The following BATF variants were observed in gnomAD, a reference collection of about 807,000 sequenced individuals.
BATF encodes the protein basic leucine zipper ATF-like transcription factor.
In BATF, 5 loss-of-function variants were observed where a neutral mutation model predicts 13.7. The observed-to-expected ratio is 0.36, with a 90% CI of 0.19 to 0.77. The LOEUF (loss-of-function observed/expected upper bound fraction) is 0.77. BATF is among the 30% of genes least tolerant of loss of function. The probability of loss-of-function intolerance (pLI) is 0.51; values close to 1 mark genes in which losing one functional copy is unlikely to be tolerated. For missense variants in BATF, 124 were observed against 163.0 expected, an observed-to-expected ratio of 0.76 and a Z score of 1.30; for synonymous variants, 72 against 67.5, an observed-to-expected ratio of 1.07 and a Z score of -0.33.
intron 2 of BATF, among the ~76,000 whole-genome samples, chr14:75,534,351 C>T (rs553082234): frequency 3.3e-5 from 5 of 152,238 alleles, no homozygotes; most frequent in East Asian, 1.9e-4. Context: ...ATTATGAAAA[C>T]GATACACACT....
intron 2 of BATF, among the ~76,000 whole-genome samples, chr14:75,539,526 CTA>C (rs1426263165): frequency 7.5e-6 from 1 of 133,674 alleles, no homozygotes; most frequent in Non-Finnish European, 1.5e-5. Context: ...ATGAACCAAA[CTA>C]TAGTTTTTTT....
chr14:75,532,052 C>T (rs1292669189), intron 2 of BATF, among the ~76,000 whole-genome samples: 1 of 152,204 alleles, frequency 6.6e-6, no homozygotes, highest in Non-Finnish European at 1.5e-5. Flanking sequence ...GTATTAACCA[C>T]TGTGCCTCAA....
At chr14:75,543,293 T>G (rs1887926010) in intron 2 of BATF, among the ~76,000 whole-genome samples, 1 of 152,202 alleles carries the variant, frequency 6.6e-6, no homozygotes, top group Admixed American at 6.5e-5. Context: ...TCTGCCCCGT[T>G]TTAGAGGGGC....
chr14:75,530,050 C>G (rs1363464193), intron 2 of BATF, among the ~76,000 whole-genome samples: 5 of 122,108 alleles, frequency 4.1e-5, no homozygotes, highest in African/African-American at 1.2e-4. Flanking sequence ...GGAGACAGAG[C>G]GAGACTCCGT....
At chr14:75,543,837 A>T (rs1887940388) in intron 2 of BATF, among the ~76,000 whole-genome samples, 2 of 151,852 alleles carry the variant, frequency 1.3e-5, no homozygotes, top group Non-Finnish European at 2.9e-5. Flanking sequence ...TCAAAAAAAA[A>T]AACCCAAAAA....
At chr14:75,543,094 C>T (rs1292508563) in intron 2 of BATF, among the ~76,000 whole-genome samples, 3 of 152,186 alleles carry the variant, frequency 2.0e-5, no homozygotes, top group Non-Finnish European at 4.4e-5. Context: ...CCAGGACTCC[C>T]GGCCCCCAGT....
In BATF at chr14:75,539,424, A is replaced by ATTTTTTTTTTTTTTT. The variant is rs1162218076; in HGVS notation, c.169-7025_169-7011dup. Among the ~76,000 whole-genome samples the ATTTTTTTTTTTTTTT allele has an allele frequency of 1.2e-3, 71 of 58,550 alleles. 11 individuals are homozygous for ATTTTTTTTTTTTTTT. The highest frequency in any genetic ancestry group is 4.5e-3 in the African/African-American group (64 of 14,088). 38.4% of individuals were successfully genotyped at this position (58,550 alleles called of 152,430 possible). A position where few individuals can be genotyped will look rare whatever the true frequency, so the allele number is the denominator to read the frequency against. On this transcript the variant is annotated intron_variant, in intron 2 of 2. Coordinates refer to ENST00000286639, the MANE Select transcript of BATF (RefSeq NM_006399.5). ...TAGCTACAAGGTAAGGTAAGCTGGA[A>ATTTTTTTTTTTTTTT]TTTTTTTTTTTTTTTTTTTTTTTTT...
intron 1 of BATF, among the ~76,000 whole-genome samples, chr14:75,523,192 G>A (rs1887599779): frequency 7.6e-6 from 1 of 131,248 alleles, no homozygotes; most frequent in South Asian, 2.7e-4. Flanking sequence ...GGGGAGAAAA[G>A]GGGTTAGGGA....
At chr14:75,534,482 C>G (rs770159180) in intron 2 of BATF, among the ~76,000 whole-genome samples, 31 of 152,200 alleles carry the variant, frequency 2.0e-4, no homozygotes, top group Admixed American at 5.9e-4. Flanking sequence ...AGTAGAACAC[C>G]CCCTCACCCT....
Position 75,546,839 on chromosome 14 carries a change from G to C in BATF, c.*168G>C. 1.1e-6 allele frequency: 1 copy of C among 949,714 alleles called. No homozygotes were observed. The highest frequency in any genetic ancestry group is 1.4e-5 in the South Asian group (1 of 72,262). The allele number at this position is 949,714 out of a possible 1,614,324, so 58.8% of individuals were successfully genotyped here. ...TGGAAGGGCGTGAGGCCTCCCAGCA[G>C]TGCCGCAGCGTTTCGAGGGGCGTGT... On this transcript the variant is annotated 3_prime_UTR_variant, in exon 3 of 3. Transcript: ENST00000286639.
intron 2 of BATF, among the ~76,000 whole-genome samples, chr14:75,541,456 T>C (rs1443486531): frequency 6.6e-6 from 1 of 152,188 alleles, no homozygotes; most frequent in Non-Finnish European, 1.5e-5. Flanking sequence ...GAGGAAGGTC[T>C]GGCCTCGAGT....
At chr14:75,534,637 T>C (rs979309951) in intron 2 of BATF, among the ~76,000 whole-genome samples, 1 of 152,198 alleles carries the variant, frequency 6.6e-6, no homozygotes, top group Admixed American at 6.5e-5. Flanking sequence ...ACCTGTAACA[T>C]TAACATGAAA....
At chr14:75,545,772 A>G (rs144778297) in intron 2 of BATF, among the ~76,000 whole-genome samples, 5 of 151,940 alleles carry the variant, frequency 3.3e-5, no homozygotes, top group Non-Finnish European at 7.4e-5. Context: ...CCTCCCACCC[A>G]CACACCCTCA....
chr14:75,529,388 C>G (rs1030076583), intron 2 of BATF, among the ~76,000 whole-genome samples: 4 of 151,910 alleles, frequency 2.6e-5, no homozygotes, highest in Non-Finnish European at 2.9e-5. Context: ...AATCCTAGCA[C>G]TTTGGGAGGC....
intron 2 of BATF, among the ~76,000 whole-genome samples, chr14:75,542,093 G>A (rs977467463): frequency 1.3e-5 from 2 of 152,230 alleles, no homozygotes; most frequent in Admixed American, 1.3e-4. Flanking sequence ...CGCGGGCAAT[G>A]AGTCTTTGCA....
In BATF at chr14:75,546,792, T is replaced by G; in HGVS notation, c.*121T>G. 1 of 1,286,504 alleles carries G rather than the reference T, an allele frequency of 7.8e-7. No homozygotes were observed. The highest frequency in any genetic ancestry group is 1.1e-6 in the Non-Finnish European group (1 of 932,718). 79.7% of individuals were successfully genotyped at this position (1,286,504 alleles called of 1,614,324 possible). The stretch of plus-strand genomic sequence containing the variant: ...CGGAGACAGAGGCCTGGACAAGGAG[T>G]GAACACGGGAACTGTCACGACTGGA... On this transcript the variant is annotated 3_prime_UTR_variant, in exon 3 of 3. Transcript: ENST00000286639.
intron 2 of BATF, among the ~76,000 whole-genome samples, chr14:75,529,739 T>G (rs1441914993): frequency 2.0e-5 from 3 of 152,036 alleles, no homozygotes; most frequent in African/African-American, 7.2e-5. Flanking sequence ...AGAGAGCTCT[T>G]ATGAATAGGA....
At chr14:75,540,303 C>T (rs1887878128) in intron 2 of BATF, among the ~76,000 whole-genome samples, 1 of 152,056 alleles carries the variant, frequency 6.6e-6, no homozygotes, top group African/African-American at 2.4e-5. Context: ...TGTGAGTGAC[C>T]CCCTCCTAAG....
chr14:75,529,511 A>G (rs1366742048), intron 2 of BATF, among the ~76,000 whole-genome samples: 1 of 152,194 alleles, frequency 6.6e-6, no homozygotes, highest in Non-Finnish European at 1.5e-5. Context: ...ACAAATAACC[A>G]TTAAAAATTT....
Sources: gnomAD v4.1 joint callset for allele counts (sites outside exome capture counted in the v4.1 genomes callset) on GRCh38, gnomAD v4.1.1 for gene constraint, MANE v1.5 for transcripts, NCBI Gene and HGNC (gene_info 2026-07-23, HGNC 2026-07-21) for gene names.